Variants in SYN3 observed in about 807,000 individuals in gnomAD.
SYN3 encodes synapsin-3.
Under a neutral mutation model 65.8 loss-of-function variants are expected in SYN3, and 35 were observed. The observed-to-expected ratio is 0.53, with a 90% confidence interval of 0.41 to 0.70. SYN3 has a LOEUF of 0.70. SYN3 is among the 30% of genes least tolerant of loss of function. The probability of loss-of-function intolerance (pLI) is 0.00; values close to 1 mark genes in which losing one functional copy is unlikely to be tolerated. For synonymous variants in SYN3, 270 were observed against 292.9 expected (o/e 0.92, Z 0.80); for missense variants, 680 against 749.0 (o/e 0.91, Z 1.08).
chr22:32,607,294 C>G (rs1004588371), intron 6 of SYN3, among the ~76,000 whole-genome samples: 3 of 152,206 alleles, frequency 2.0e-5, no homozygotes, highest in African/African-American at 7.2e-5. Flanking sequence ...GCCTCCTGAT[C>G]CCGGCCGCCA....
chr22:32,748,813 T>C (rs890694513), intron 6 of SYN3, among the ~76,000 whole-genome samples: 1 of 152,140 alleles, frequency 6.6e-6, no homozygotes, highest in Admixed American at 6.6e-5. Context: ...CTGCCCCAGG[T>C]ATCCCCAGTA....
chr22:32,985,320 G>T (rs529637323), intron 2 of SYN3, among the ~76,000 whole-genome samples: 6 of 152,146 alleles, frequency 3.9e-5, no homozygotes, highest in Non-Finnish European at 8.8e-5. Flanking sequence ...GCTGTGTGCT[G>T]GGGACCCACA....
chr22:32,927,692 A>G (rs953066673), intron 4 of SYN3, among the ~76,000 whole-genome samples: 1 of 152,206 alleles, frequency 6.6e-6, no homozygotes, highest in Non-Finnish European at 1.5e-5. Flanking sequence ...TCTTTTGAAG[A>G]CAATACCTAT....
rs191807280 is a variant in SYN3 at position 32,844,600 on chromosome 22, T to C, written c.711+20315A>G. ...AGAGGGCCCCATATATATTTATAGATCAATGTGCCCATTATATAAGTTCAC... is the reference window on the plus strand; with the variant it reads ...AGAGGGCCCCATATATATTTATAGACCAATGTGCCCATTATATAAGTTCAC... On this transcript the variant is annotated intron_variant, in intron 6 of 13. Transcript: ENST00000358763. Among the ~76,000 whole-genome samples the C allele has an allele frequency of 3.3e-5, 5 of 152,326 alleles. No homozygotes were observed. In the East Asian group the frequency reaches 9.6e-4, roughly 29 times the overall value.
intron 1 of SYN3, among the ~76,000 whole-genome samples, chr22:33,038,871 C>T (rs1229224495): frequency 1.3e-5 from 2 of 152,190 alleles, no homozygotes; most frequent in East Asian, 3.9e-4. Context: ...CCAAAGGATC[C>T]CTGAGCTGCA....
At chr22:32,884,028 A>T (rs904333744) in intron 4 of SYN3, among the ~76,000 whole-genome samples, 3 of 152,222 alleles carry the variant, frequency 2.0e-5, no homozygotes, top group Non-Finnish European at 4.4e-5. Flanking sequence ...CTCAAGTTCT[A>T]GCTGGGACTT....
At chr22:32,656,081 T>C (rs1238501270) in intron 6 of SYN3, among the ~76,000 whole-genome samples, 1 of 152,210 alleles carries the variant, frequency 6.6e-6, no homozygotes, top group African/African-American at 2.4e-5. Context: ...GTGTGGTAGA[T>C]GCACAAAAAC....
chr22:32,730,253 T>C (rs1229092766), intron 6 of SYN3, among the ~76,000 whole-genome samples: 2 of 152,232 alleles, frequency 1.3e-5, no homozygotes, highest in South Asian at 2.1e-4. Context: ...CTAAACCTAC[T>C]GTGAGGTGGC....
In SYN3 at chr22:32,635,864, T is replaced by C. The variant is rs574711262; in HGVS notation, c.712-39128A>G. ...AGTTAACTTTTTTCTTTAAAAAGAC[T>C]TAAGAAAGAATGATAAAAGAAAGAG... On this transcript the variant is annotated intron_variant, in intron 6 of 13. Transcript: ENST00000358763. 6.2e-4 allele frequency among the ~76,000 whole-genome samples: 94 copies of C among 152,150 alleles called. 1 individual carries two copies. The highest frequency in any genetic ancestry group is 1.3e-3 in the Non-Finnish European group (87 of 68,022).
At chr22:32,950,075 C>T (rs896681658) in intron 3 of SYN3, among the ~76,000 whole-genome samples, 2 of 152,282 alleles carry the variant, frequency 1.3e-5, no homozygotes, top group Non-Finnish European at 2.9e-5. Context: ...AGTATCTGGT[C>T]CAGACTGTAC....
chr22:32,744,435 G>A (rs1323686316), intron 6 of SYN3, among the ~76,000 whole-genome samples: 2 of 152,174 alleles, frequency 1.3e-5, no homozygotes, highest in Non-Finnish European at 2.9e-5. Context: ...TTACCTAACA[G>A]TATGCTGGGT....
chr22:32,849,044 T>C (rs2048146824), intron 6 of SYN3, among the ~76,000 whole-genome samples: 1 of 151,772 alleles, frequency 6.6e-6, no homozygotes, highest in South Asian at 2.1e-4. Flanking sequence ...TAGAAAGGGG[T>C]CCTAGTGGAA....
chr22:32,626,192 C>A (rs1415324394), intron 6 of SYN3, among the ~76,000 whole-genome samples: 1 of 152,126 alleles, frequency 6.6e-6, no homozygotes, highest in East Asian at 1.9e-4. Flanking sequence ...GCCTCTTGTG[C>A]AACACAGCTT....
intron 6 of SYN3, among the ~76,000 whole-genome samples, chr22:32,806,016 C>G (rs2046724839): frequency 6.6e-6 from 1 of 151,894 alleles, no homozygotes; most frequent in South Asian, 2.1e-4. Context: ...GGAAAAGACC[C>G]TTGAAACCAT....
At chr22:32,898,906 T>A (rs1346387005) in intron 4 of SYN3, among the ~76,000 whole-genome samples, 1 of 152,060 alleles carries the variant, frequency 6.6e-6, no homozygotes, top group Non-Finnish European at 1.5e-5. Flanking sequence ...ACCGAGACCA[T>A]CCTAGCCAAC....
At chr22:32,933,225 C>T (rs995280266) in intron 3 of SYN3, among the ~76,000 whole-genome samples, 1 of 152,190 alleles carries the variant, frequency 6.6e-6, no homozygotes, top group Non-Finnish European at 1.5e-5. Flanking sequence ...AATGGATAAA[C>T]ATAACCACTC....
intron 1 of SYN3, among the ~76,000 whole-genome samples, chr22:33,033,711 C>G (rs928905147): frequency 2.0e-5 from 3 of 152,008 alleles, no homozygotes; most frequent in East Asian, 3.9e-4. Flanking sequence ...GAGAGAGATT[C>G]CTGTGGAATA....
intron 4 of SYN3, among the ~76,000 whole-genome samples, chr22:32,918,461 AC>A (rs2050247054): frequency 6.6e-6 from 1 of 152,178 alleles, no homozygotes; most frequent in Non-Finnish European, 1.5e-5. Flanking sequence ...GGCTATCTAG[AC>A]CTTCTGTTCT....
At chr22:32,850,263 T>C (rs2048181348) in intron 6 of SYN3, among the ~76,000 whole-genome samples, 1 of 151,962 alleles carries the variant, frequency 6.6e-6, no homozygotes, top group Non-Finnish European at 1.5e-5. Flanking sequence ...TACTCCTAAA[T>C]AGCCTGCTTA....
Sources: allele counts gnomAD v4.1 joint callset (sites outside exome capture counted in the v4.1 genomes callset), GRCh38; gene constraint gnomAD v4.1.1; transcripts MANE v1.5; gene names NCBI Gene and HGNC (gene_info 2026-07-23, HGNC 2026-07-21).